WIPF3: variants seen among roughly 807,000 people sequenced by gnomAD.
The protein encoded by WIPF3 is WAS/WASL-interacting protein family member 3.
Under a neutral mutation model 38.9 loss-of-function variants are expected in WIPF3, and 33 were observed. That is an observed-to-expected ratio of 0.85 (90% CI 0.64 to 1.14). WIPF3 has a LOEUF of 1.14. Ranked by LOEUF, WIPF3 falls within the 50% of genes most tolerant of loss-of-function variation. The probability of loss-of-function intolerance (pLI) is 0.00; values close to 1 mark genes in which losing one functional copy is unlikely to be tolerated. For synonymous variants in WIPF3, 324 were observed against 269.3 expected (o/e 1.20, Z -1.99); for missense variants, 711 against 652.5 (o/e 1.09, Z -0.98).
rs1785650349 is a variant in WIPF3, at chr7:29,878,443, T to C, written c.224-566T>C. ...AGGGGCTCATGATCTTTCCGTTCCA[T>C]AGATGAAAAGGTGCAGGGAGGTGCG... On this transcript the variant is annotated intron_variant, in intron 3 of 8. Coordinates refer to ENST00000242140, the MANE Select transcript of WIPF3 (RefSeq NM_001080529.3). This position sits in a 1 kb window ranked among gnomAD's most constrained non-coding sequence, Gnocchi z 4.0. Among the ~76,000 whole-genome samples the C allele has an allele frequency of 6.6e-6, 1 of 152,052 alleles. No individual in the cohort carries two copies.
intron 8 of WIPF3, 36 bp downstream of exon 8, chr7:29,904,398 G>A: frequency 1.3e-6 from 2 of 1,598,664 alleles, no homozygotes. Context: ...TGTAAAACCA[G>A]GAATTCTCCT....
chr7:29,887,838 A>AT (rs1345238614), intron 5 of WIPF3, among the ~76,000 whole-genome samples: 2 of 152,172 alleles, frequency 1.3e-5, no homozygotes, highest in Non-Finnish European at 2.9e-5. Context: ...TGGGTGTACT[A>AT]TTACTACTCC....
rs76541855 is a variant in WIPF3, at chr7:29,907,675, G to A, written c.1428+3313G>A. ...TCACCATGTGAAGATGCAGTTTGAA[G>A]GCACCATCTAGCAGACAGCGAGCCC... On this transcript the variant is annotated intron_variant, in intron 8 of 8. Coordinates refer to ENST00000242140, the MANE Select transcript of WIPF3 (RefSeq NM_001080529.3). Among the ~76,000 whole-genome samples the A allele has an allele frequency of 4.5e-3, 681 of 152,310 alleles. 17 individuals are homozygous for A. The East Asian group carries it at 0.058, about 13-fold the overall frequency.
intron 2 of WIPF3, among the ~76,000 whole-genome samples, chr7:29,842,754 TA>T (rs757248971): frequency 5.9e-5 from 9 of 151,356 alleles, no homozygotes; most frequent in East Asian, 1.9e-4. Flanking sequence ...TTGCTGTTGT[TA>T]AAAAAAAATG....
chr7:29,835,332 T>C (rs1322598098), intron 2 of WIPF3, among the ~76,000 whole-genome samples: 1 of 152,176 alleles, frequency 6.6e-6, no homozygotes, highest in Non-Finnish European at 1.5e-5. Flanking sequence ...TGTTGCTGAA[T>C]GTTCTCTCTT....
At chr7:29,859,466 C>T (rs1269079340) in intron 2 of WIPF3, among the ~76,000 whole-genome samples, 2 of 152,160 alleles carry the variant, frequency 1.3e-5, no homozygotes, top group Admixed American at 1.3e-4. Context: ...ATCAGGAATG[C>T]TTTATGTGAG....
At chr7:29,867,001 A>G (rs974735396) in intron 2 of WIPF3, among the ~76,000 whole-genome samples, 1 of 152,238 alleles carries the variant, frequency 6.6e-6, no homozygotes, top group African/African-American at 2.4e-5. Flanking sequence ...TGTAGACTGG[A>G]CATAATACTC....
At chr7:29,909,739 T>A (rs1284176978) in intron 8 of WIPF3, among the ~76,000 whole-genome samples, 1 of 151,790 alleles carries the variant, frequency 6.6e-6, no homozygotes, top group African/African-American at 2.4e-5. Flanking sequence ...TACAAAAAAA[T>A]TTTTAAATTA....
At chr7:29,843,235 C>T (rs908593674) in intron 2 of WIPF3, among the ~76,000 whole-genome samples, 1 of 152,144 alleles carries the variant, frequency 6.6e-6, no homozygotes, top group African/African-American at 2.4e-5. Flanking sequence ...GGACCTGCCA[C>T]TCATACTTCC....
intron 1 of WIPF3, among the ~76,000 whole-genome samples, chr7:29,808,890 G>C (rs1784329290): frequency 6.6e-6 from 1 of 152,082 alleles, no homozygotes; most frequent in Non-Finnish European, 1.5e-5. Context: ...AAAGATCCGA[G>C]AAAACAAAAT....
intron 8 of WIPF3, among the ~76,000 whole-genome samples, chr7:29,912,137 AAAG>A (rs543290306): frequency 9.1e-4 from 138 of 152,338 alleles, no homozygotes; most frequent in Middle Eastern, 3.4e-3. Flanking sequence ...ACATTTCTCT[AAAG>A]AAGATAAACA....
intron 2 of WIPF3, among the ~76,000 whole-genome samples, chr7:29,853,890 G>A (rs908024227): frequency 2.6e-5 from 4 of 152,160 alleles, no homozygotes; most frequent in Admixed American, 6.5e-5. Flanking sequence ...TTCTACTACC[G>A]TTTTCCTGGC....
In WIPF3 at chr7:29,915,421, C is replaced by T. The variant is rs1217952027; in HGVS notation, c.*905C>T. ...CTTCTGCCCTTGCTTCGAGTGTGGA[C>T]TTCCATGGAAAATATGACATGAAAA... On this transcript the variant is annotated 3_prime_UTR_variant, in exon 9 of 9. Coordinates refer to ENST00000242140, the MANE Select transcript of WIPF3 (RefSeq NM_001080529.3). The T allele has an allele frequency of 6.6e-6, 1 of 152,178 alleles. No homozygotes were observed. Among genetic ancestry groups the T allele is most frequent in the Non-Finnish European group, 1.5e-5 (1 of 68,044 alleles). 9.4% of individuals were successfully genotyped at this position (152,178 alleles called of 1,614,324 possible).
At chr7:29,870,050 TG>T (rs1302141686) in intron 2 of WIPF3, among the ~76,000 whole-genome samples, 2 of 152,172 alleles carry the variant, frequency 1.3e-5, no homozygotes, top group Non-Finnish European at 2.9e-5. Flanking sequence ...GTAAGCATGT[TG>T]CTCTAGGAAC....
intron 1 of WIPF3, among the ~76,000 whole-genome samples, chr7:29,808,158 G>A (rs946015780): frequency 6.6e-6 from 1 of 152,304 alleles, no homozygotes; most frequent in South Asian, 2.1e-4. Context: ...TTCTACCTCA[G>A]TGAAAAAGTA....
rs1250476559 is a variant in WIPF3 at position 29,844,635 on chromosome 7, C to T, written c.90+9821C>T. Among the ~76,000 whole-genome samples, 3 of 152,184 alleles carry T rather than the reference C, an allele frequency of 2.0e-5. No homozygotes were observed. The highest frequency in any genetic ancestry group is 2.9e-5 in the Non-Finnish European group (2 of 68,036). On this transcript the variant is annotated intron_variant, in intron 2 of 8. Coordinates refer to ENST00000242140, the MANE Select transcript of WIPF3 (RefSeq NM_001080529.3). The surrounding 1 kb of genome is among the most constrained non-coding windows in gnomAD (Gnocchi z 4.8). ...GCCCCACTGCCTCCAGCTGCGTGAA[C>T]GGGTTCAGTAAGTGGTACTGATGAC...
chr7:29,871,348 G>A (rs956720327), intron 2 of WIPF3, among the ~76,000 whole-genome samples: 1 of 152,172 alleles, frequency 6.6e-6, no homozygotes, highest in African/African-American at 2.4e-5. Context: ...GGAGACAGGG[G>A]TAGGCTGAGG....
chr7:29,911,660 G>T (rs1216683966), intron 8 of WIPF3, among the ~76,000 whole-genome samples: 1 of 152,134 alleles, frequency 6.6e-6, no homozygotes, highest in Non-Finnish European at 1.5e-5. Flanking sequence ...TTTAACAAGG[G>T]TGCCAAGACC....
At chr7:29,807,773 G>C (rs777586596) in intron 1 of WIPF3, among the ~76,000 whole-genome samples, 5 of 152,204 alleles carry the variant, frequency 3.3e-5, no homozygotes, top group Non-Finnish European at 5.9e-5. Context: ...CTGTCTCTTC[G>C]CCTCTGTGCC....
Sources: gnomAD v4.1 joint callset for allele counts (sites outside exome capture counted in the v4.1 genomes callset) on GRCh38, gnomAD v4.1.1 for gene constraint, Gnocchi (gnomAD v3.1) non-coding constraint, MANE v1.5 for transcripts, NCBI Gene and HGNC (gene_info 2026-07-23, HGNC 2026-07-21) for gene names.